The following RBFOX1 variants were observed in gnomAD, a reference collection of about 807,000 sequenced individuals.
RBFOX1 encodes the protein RNA binding protein fox-1 homolog 1.
Under a neutral mutation model 57.7 loss-of-function variants are expected in RBFOX1, and 8 were observed. The observed-to-expected ratio is 0.14, with a 90% CI of 0.08 to 0.25. The LOEUF (loss-of-function observed/expected upper bound fraction) is 0.25. Ranked by LOEUF, RBFOX1 falls within the 10% of genes least tolerant of loss-of-function variation. RBFOX1 has a pLI of 1.00. For missense variants in RBFOX1, 611 were observed against 548.5 expected (o/e 1.11, Z -1.14); for synonymous variants, 326 against 222.4 (o/e 1.47, Z -4.15).
intron 4 of RBFOX1, among the ~76,000 whole-genome samples, chr16:7,284,531 A>G (rs947879645): frequency 3.3e-5 from 5 of 151,876 alleles, no homozygotes; most frequent in African/African-American, 1.2e-4. Flanking sequence ...AGGTCCTGCT[A>G]TATTGTCCAG....
chr16:7,069,000 G>A (rs1203180207), intron 4 of RBFOX1, among the ~76,000 whole-genome samples: 1 of 152,194 alleles, frequency 6.6e-6, no homozygotes, highest in Non-Finnish European at 1.5e-5. Flanking sequence ...GCATTTGTAT[G>A]TGTCACTTAA....
chr16:6,582,501 A>G (rs981443958), intron 2 of RBFOX1, among the ~76,000 whole-genome samples: 21 of 150,362 alleles, frequency 1.4e-4, no homozygotes, highest in Admixed American at 1.2e-3. Flanking sequence ...TTGGACCTCA[A>G]AGGCCCTGAC....
At chr16:6,890,928 C>G (rs555290804) in intron 3 of RBFOX1, among the ~76,000 whole-genome samples, 2 of 152,152 alleles carry the variant, frequency 1.3e-5, no homozygotes, top group Admixed American at 6.5e-5. Flanking sequence ...TGAACAGACT[C>G]TTGCTTGCTT....
chr16:6,946,958 G>T (rs2079655546), intron 3 of RBFOX1, among the ~76,000 whole-genome samples: 2 of 152,144 alleles, frequency 1.3e-5, no homozygotes, highest in African/African-American at 4.8e-5. Context: ...GGAGCCATTT[G>T]AATGTGTATT....
At chr16:6,290,022 G>A (rs142278825) in intron 1 of RBFOX1, among the ~76,000 whole-genome samples, 30 of 152,284 alleles carry the variant, frequency 2.0e-4, no homozygotes, top group Admixed American at 5.2e-4. Flanking sequence ...GAGATAACCC[G>A]TGGTTTTAAG....
intron 5 of RBFOX1, among the ~76,000 whole-genome samples, chr16:7,537,130 G>C (rs1300960892): frequency 2.0e-5 from 3 of 152,214 alleles, no homozygotes; most frequent in African/African-American, 4.8e-5. Flanking sequence ...CCACCATGTG[G>C]ACAGTGGATT....
intron 1 of RBFOX1, among the ~76,000 whole-genome samples, chr16:6,180,554 T>C (rs1284866209): frequency 6.6e-6 from 1 of 151,896 alleles, no homozygotes; most frequent in Non-Finnish European, 1.5e-5. Context: ...TCATTTTTGT[T>C]GTTATTGTCA....
At chr16:6,427,419 C>A (rs913618920) in intron 2 of RBFOX1, among the ~76,000 whole-genome samples, 2 of 152,170 alleles carry the variant, frequency 1.3e-5, no homozygotes, top group Non-Finnish European at 2.9e-5. Context: ...GTTCTGAACG[C>A]TGAGCATGGC....
At chr16:6,824,982 G>GTTTTTTTTT (rs2091912007) in intron 3 of RBFOX1, among the ~76,000 whole-genome samples, 2 of 38,378 alleles carry the variant, frequency 5.2e-5, no homozygotes, top group Non-Finnish European at 6.5e-5. Context: ...TTTCTTTCTT[G>GTTTTTTTTT]GTTTTTTTTT....
At chr16:6,767,628 T>C (rs1203539328) in intron 3 of RBFOX1, among the ~76,000 whole-genome samples, 2 of 151,900 alleles carry the variant, frequency 1.3e-5, no homozygotes, top group East Asian at 1.9e-4. Context: ...TAAGAAATTA[T>C]GGAGAGGCTA....
chr16:6,589,197 A>C (rs1008857865), intron 2 of RBFOX1, among the ~76,000 whole-genome samples: 1 of 152,210 alleles, frequency 6.6e-6, no homozygotes, highest in African/African-American at 2.4e-5. Flanking sequence ...TTTTTAAACT[A>C]TTTGGCAAAA....
intron 4 of RBFOX1, among the ~76,000 whole-genome samples, chr16:7,375,184 T>A (rs2147605160): frequency 6.6e-6 from 1 of 152,330 alleles, no homozygotes; most frequent in African/African-American, 2.4e-5. Flanking sequence ...TACCCTATGA[T>A]AAAGATTCTG....
At chr16:5,828,012 T>C (rs1487869329) in intron 3 of RBFOX1, among the ~76,000 whole-genome samples, 1 of 145,476 alleles carries the variant, frequency 6.9e-6, no homozygotes, top group African/African-American at 2.5e-5. Flanking sequence ...CCATCCATCA[T>C]CTATCTAGTC....
chr16:7,208,289 G>A (rs189070402), intron 4 of RBFOX1, among the ~76,000 whole-genome samples: 48 of 152,266 alleles, frequency 3.2e-4, no homozygotes, highest in South Asian at 8.3e-4. Flanking sequence ...GACTGTATTT[G>A]GAGACAGTTT....
At chr16:5,381,986 G>T (rs1471222751) in intron 1 of RBFOX1, among the ~76,000 whole-genome samples, 1 of 152,212 alleles carries the variant, frequency 6.6e-6, no homozygotes, top group African/African-American at 2.4e-5. Flanking sequence ...CTACTCAGTG[G>T]ACGTCAGTAG....
At chr16:7,414,305 C>T (rs1426464382) in intron 4 of RBFOX1, among the ~76,000 whole-genome samples, 1 of 152,018 alleles carries the variant, frequency 6.6e-6, no homozygotes, top group African/African-American at 2.4e-5. Flanking sequence ...TGTTCACTGG[C>T]CAGGTTATGG....
intron 4 of RBFOX1, among the ~76,000 whole-genome samples, chr16:7,422,579 C>A (rs986697184): frequency 1.3e-5 from 2 of 152,144 alleles, no homozygotes; most frequent in African/African-American, 2.4e-5. Flanking sequence ...AGTGCATTAA[C>A]CGGATGGAGC....
chr16:6,440,118 G>C (rs1268311488), intron 2 of RBFOX1, among the ~76,000 whole-genome samples: 3 of 151,786 alleles, frequency 2.0e-5, no homozygotes, highest in Non-Finnish European at 2.9e-5. Context: ...TGTATTTTTA[G>C]TAGAGACGGG....
intron 2 of RBFOX1, among the ~76,000 whole-genome samples, chr16:6,475,854 G>A (rs62016768): frequency 0.13 from 19,945 of 152,150 alleles, 1,556 homozygotes; most frequent in Middle Eastern, 0.17. Context: ...ATAACTTCTA[G>A]CAGAAAGGAT....
Sources: allele counts gnomAD v4.1 joint callset (sites outside exome capture counted in the v4.1 genomes callset), GRCh38; gene constraint gnomAD v4.1.1; transcripts MANE v1.5; gene names NCBI Gene and HGNC (gene_info 2026-07-23, HGNC 2026-07-21).